Variants in LHCGR observed in about 807,000 individuals in gnomAD.
LHCGR encodes the protein lutropin-choriogonadotropic hormone receptor.
LHCGR carries 55 observed loss-of-function variants against 60.7 expected under a neutral mutation model. The observed-to-expected ratio is 0.91, with a 90% CI of 0.73 to 1.13. LHCGR has a LOEUF of 1.13. Ranked by LOEUF, LHCGR falls within the 50% of genes most tolerant of loss-of-function variation. LHCGR has a pLI of 0.00. For synonymous variants in LHCGR, 337 were observed against 316.5 expected (o/e 1.06, Z -0.69); for missense variants, 862 against 836.0 (o/e 1.03, Z -0.38).
intron 6 of LHCGR, among the ~76,000 whole-genome samples, chr2:48,716,323 T>C (rs887917444): frequency 5.3e-5 from 8 of 152,202 alleles, no homozygotes; most frequent in Admixed American, 1.3e-4. Context: ...TGATTTATGG[T>C]AAGAAATTCA....
chr2:48,692,887 G>T (rs1666923653), intron 10 of LHCGR, among the ~76,000 whole-genome samples: 1 of 152,194 alleles, frequency 6.6e-6, no homozygotes, highest in Non-Finnish European at 1.5e-5. Context: ...GTTAATTTCA[G>T]TTAGTTTTGG....
chr2:48,689,507 C>G (rs1037105252), intron 10 of LHCGR, among the ~76,000 whole-genome samples: 3 of 152,000 alleles, frequency 2.0e-5, no homozygotes, highest in African/African-American at 7.2e-5. Flanking sequence ...GAAATAGAAA[C>G]CAAGGATAGA....
chr2:48,725,350 A>G (rs72876946), intron 4 of LHCGR, among the ~76,000 whole-genome samples: 1,579 of 152,278 alleles, frequency 0.01, 28 homozygotes, highest in African/African-American at 0.036. Flanking sequence ...TTCACTTCAG[A>G]GATTCTGATT....
chr2:48,692,875 A>G (rs964690240), intron 10 of LHCGR, among the ~76,000 whole-genome samples: 5 of 152,180 alleles, frequency 3.3e-5, no homozygotes, highest in African/African-American at 4.8e-5. Flanking sequence ...CTTAGATTTT[A>G]TGTTAATTTC....
chr2:48,734,320 C>T (rs1427675003), intron 1 of LHCGR, among the ~76,000 whole-genome samples: 4 of 152,188 alleles, frequency 2.6e-5, no homozygotes, highest in Non-Finnish European at 5.9e-5. Context: ...ACATTAACCT[C>T]CTCCTGCACA....
At chr2:48,707,763 C>T (rs1242424993) in intron 8 of LHCGR, among the ~76,000 whole-genome samples, 1 of 152,238 alleles carries the variant, frequency 6.6e-6, no homozygotes, top group Non-Finnish European at 1.5e-5. Context: ...GACTGCTCTA[C>T]TAGCAGCAAG....
chr2:48,717,054 G>T (rs138898662), intron 6 of LHCGR, among the ~76,000 whole-genome samples: 79 of 152,272 alleles, frequency 5.2e-4, no homozygotes, highest in African/African-American at 1.8e-3. Context: ...TTCCCATGGG[G>T]CAAATCAGAT....
Position 48,755,695 on chromosome 2 carries a change from G to A in LHCGR, c.-24C>T, listed in dbSNP as rs1333982106. ...ATGGCCGGCGAACTGGGCTTCTGCG[G>A]CTTGCCAGTGTCTTGGACGGCCTCT... On this transcript the variant is annotated 5_prime_UTR_variant, in exon 1 of 11. Transcript: ENST00000294954. The A allele has an allele frequency of 1.3e-6, 2 of 1,533,980 alleles. No homozygotes were observed. Among genetic ancestry groups the A allele is most frequent in the East Asian group, 4.9e-5 (2 of 40,874 alleles).
In LHCGR at chr2:48,755,577, T is replaced by C. The variant is rs2103767289; in HGVS notation, c.95A>G (p.Glu32Gly). 6.5e-7 allele frequency: 1 copy of C among 1,540,162 alleles called. No homozygotes were observed. Among genetic ancestry groups the C allele is most frequent in the Non-Finnish European group, 8.7e-7 (1 of 1,145,696 alleles). ...GCCGTCGGGCACGCAGTTGCAGGGC[T>C]CAGGGCAGAGCGCCTCGCGCAGCGC... ...PRALREALCP[E>G]PCNCVPDGAL... Residue 32 changes from glutamate (E) to glycine (G), a missense_variant, in exon 1 of 11, where the codon GAG (glutamate) becomes GGG (glycine). Transcript: ENST00000294954.
At chr2:48,711,529 C>A (rs76202336) in intron 7 of LHCGR, among the ~76,000 whole-genome samples, 1 of 152,166 alleles carries the variant, frequency 6.6e-6, no homozygotes, top group Non-Finnish European at 1.5e-5. Context: ...AGGACGTTGA[C>A]TAATTGAACT....
chr2:48,729,785 A>G (rs923216246), intron 2 of LHCGR, among the ~76,000 whole-genome samples: 9 of 152,162 alleles, frequency 5.9e-5, no homozygotes, highest in Non-Finnish European at 1.3e-4. Flanking sequence ...CTGAATTACA[A>G]TTACCTACTT....
At chr2:48,689,999 C>T (rs781671560) in intron 10 of LHCGR, among the ~76,000 whole-genome samples, 1 of 152,216 alleles carries the variant, frequency 6.6e-6, no homozygotes, top group East Asian at 1.9e-4. Context: ...AGGCATGAGC[C>T]ACCACGCCCG....
chr2:48,708,177 C>A (rs1013396465), intron 8 of LHCGR, among the ~76,000 whole-genome samples: 1 of 152,170 alleles, frequency 6.6e-6, no homozygotes, highest in Non-Finnish European at 1.5e-5. Flanking sequence ...TCCCATGTAT[C>A]CTTTAAAACC....
At chr2:48,738,610 G>C (rs192240682) in intron 1 of LHCGR, among the ~76,000 whole-genome samples, 1 of 152,092 alleles carries the variant, frequency 6.6e-6, no homozygotes, top group East Asian at 1.9e-4. Context: ...ACCCACTCTT[G>C]CCCTCATGTA....
chr2:48,750,922 A>G (rs1047660656), intron 1 of LHCGR, among the ~76,000 whole-genome samples: 5 of 152,236 alleles, frequency 3.3e-5, no homozygotes, highest in Admixed American at 6.5e-5. Flanking sequence ...TACAAGGTTC[A>G]AAACAGCTCC....
chr2:48,753,828 G>GTGTGTGT (rs1670089702), intron 1 of LHCGR, among the ~76,000 whole-genome samples: 1 of 150,398 alleles, frequency 6.6e-6, no homozygotes, highest in Non-Finnish European at 1.5e-5. Flanking sequence ...GTGTGTGTGT[G>GTGTGTGT]TTTTATTAAG....
intron 1 of LHCGR, among the ~76,000 whole-genome samples, chr2:48,740,540 C>G (rs925364375): frequency 3.9e-5 from 6 of 152,242 alleles, no homozygotes; most frequent in African/African-American, 1.4e-4. Context: ...GACCCCTGAC[C>G]CCTGAGCAGC....
At chr2:48,739,575 C>G (rs1371948487) in intron 1 of LHCGR, among the ~76,000 whole-genome samples, 1 of 151,798 alleles carries the variant, frequency 6.6e-6, no homozygotes, top group African/African-American at 2.4e-5. Context: ...AAAAACCAAA[C>G]ACTGCATGTT....
intron 8 of LHCGR, among the ~76,000 whole-genome samples, chr2:48,705,116 CAT>C (rs1667599967): frequency 6.6e-6 from 1 of 152,154 alleles, no homozygotes; most frequent in Non-Finnish European, 1.5e-5. Context: ...TTTCAAAGAA[CAT>C]TTTTATTTTT....
Sources: gnomAD v4.1 joint callset for allele counts (sites outside exome capture counted in the v4.1 genomes callset) on GRCh38, gnomAD v4.1.1 for gene constraint, MANE v1.5 for transcripts, NCBI Gene and HGNC (gene_info 2026-07-23, HGNC 2026-07-21) for gene names.